The following RSPO2 variants were observed in gnomAD, a reference collection of about 807,000 sequenced individuals.
The protein encoded by RSPO2 is R-spondin 2, also known as R-spondin-2.
A neutral mutation model predicts 30.9 loss-of-function variants in RSPO2; 14 were observed. The ratio of observed to expected loss-of-function variants is 0.45; its 90% CI spans 0.30 to 0.71. The LOEUF (loss-of-function observed/expected upper bound fraction) is 0.71, where lower values mean the gene tolerates loss of function less well. Among genes scored for constraint, RSPO2 ranks in the 30% least tolerant of loss-of-function variants. The pLI is 0.08. For missense variants in RSPO2, 264 were observed against 301.9 expected (o/e 0.87, Z 0.93); for synonymous variants, 107 against 96.4 (o/e 1.11, Z -0.64).
intron 3 of RSPO2, among the ~76,000 whole-genome samples, chr8:107,987,759 C>T (rs1208946044): frequency 6.6e-6 from 1 of 152,176 alleles, no homozygotes. Context: ...CCAGCCCCCA[C>T]TAGTTCTGCC....
At chr8:107,993,972 C>T (rs1263124405) in intron 2 of RSPO2, among the ~76,000 whole-genome samples, 1 of 152,106 alleles carries the variant, frequency 6.6e-6, no homozygotes, top group Non-Finnish European at 1.5e-5. Flanking sequence ...TCATCATCTT[C>T]GTTGCATCTG....
chr8:108,038,250 A>G (rs1053777923), intron 2 of RSPO2, among the ~76,000 whole-genome samples: 1 of 152,178 alleles, frequency 6.6e-6, no homozygotes, highest in Non-Finnish European at 1.5e-5. Context: ...AATTGCAGAC[A>G]TGGTAGAAAT....
chr8:107,935,826 C>T (rs970693910), intron 5 of RSPO2, among the ~76,000 whole-genome samples: 10 of 151,834 alleles, frequency 6.6e-5, no homozygotes, highest in African/African-American at 2.4e-4. Context: ...TTTTTTAAAT[C>T]GATAACAAAA....
chr8:107,995,383 T>C (rs1814984906), intron 2 of RSPO2, among the ~76,000 whole-genome samples: 1 of 152,118 alleles, frequency 6.6e-6, no homozygotes, highest in Non-Finnish European at 1.5e-5. Context: ...TTTATATATA[T>C]ATGCATGTAT....
chr8:108,046,881 T>TAC (rs1811921943), intron 2 of RSPO2, among the ~76,000 whole-genome samples: 1 of 152,196 alleles, frequency 6.6e-6, no homozygotes, highest in South Asian at 2.1e-4. Context: ...AAACACCTTT[T>TAC]ACCCAGTCAG....
At chr8:107,943,548 G>A (rs148509676) in intron 5 of RSPO2, among the ~76,000 whole-genome samples, 49 of 152,290 alleles carry the variant, frequency 3.2e-4, no homozygotes, top group African/African-American at 1.1e-3. Context: ...GAAATTTCAC[G>A]TAGCGGTTCT....
In RSPO2 at chr8:108,075,468, G is replaced by A. The variant is rs373335102; in HGVS notation, c.94+7077C>T. Among the ~76,000 whole-genome samples the A allele has an allele frequency of 5.7e-4, 83 of 145,370 alleles. 2 individuals are homozygous for A. In the East Asian group the frequency reaches 7.8e-3, roughly 14 times the overall value. The stretch of plus-strand genomic sequence containing the variant: ...GCACTCCAGGCTGGGCAACAAGAGC[G>A]AAATTCCATCTCAAAAAAAAAAAAA... On this transcript the variant is annotated intron_variant, in intron 2 of 5. Coordinates refer to ENST00000276659, the MANE Select transcript of RSPO2 (RefSeq NM_178565.5).
intron 5 of RSPO2, among the ~76,000 whole-genome samples, chr8:107,918,492 G>C (rs1205302086): frequency 6.6e-6 from 1 of 152,054 alleles, no homozygotes; most frequent in Non-Finnish European, 1.5e-5. Context: ...CTCATATCTT[G>C]TCTGTACAGT....
At chr8:108,061,774 CATA>C (rs1381409155) in intron 2 of RSPO2, among the ~76,000 whole-genome samples, 1 of 151,804 alleles carries the variant, frequency 6.6e-6, no homozygotes, top group African/African-American at 2.4e-5. Flanking sequence ...AAATTGACCA[CATA>C]GTTGCAGGTA....
At chr8:108,021,768 C>T (rs1056840870) in intron 2 of RSPO2, among the ~76,000 whole-genome samples, 7 of 143,314 alleles carry the variant, frequency 4.9e-5, no homozygotes, top group Non-Finnish European at 1.1e-4. Flanking sequence ...CGGGGCCTGT[C>T]GGGGGCAGGG....
intron 2 of RSPO2, among the ~76,000 whole-genome samples, chr8:108,031,701 G>C (rs1245462173): frequency 6.6e-6 from 1 of 152,192 alleles, no homozygotes; most frequent in African/African-American, 2.4e-5. Flanking sequence ...ATTTTGGTTA[G>C]TGAACTTTGT....
At chr8:107,930,736 C>CA (rs1395193646) in intron 5 of RSPO2, among the ~76,000 whole-genome samples, 1 of 152,170 alleles carries the variant, frequency 6.6e-6, no homozygotes, top group Non-Finnish European at 1.5e-5. Context: ...ACTATGATCT[C>CA]ACACTTGGAG....
At chr8:108,007,993 G>GA (rs982651147) in intron 2 of RSPO2, among the ~76,000 whole-genome samples, 8 of 151,954 alleles carry the variant, frequency 5.3e-5, no homozygotes, top group African/African-American at 1.9e-4. Flanking sequence ...CTCAAAAAAA[G>GA]AAAAAAACAG....
At chr8:107,913,497 G>C (rs571491015) in intron 5 of RSPO2, among the ~76,000 whole-genome samples, 1 of 152,036 alleles carries the variant, frequency 6.6e-6, no homozygotes, top group African/African-American at 2.4e-5. Flanking sequence ...CAAATATTTT[G>C]GTCACTTCAG....
At position 108,010,686 on chromosome 8, in the gene RSPO2, G is replaced by A. The variant is rs141387311; in HGVS notation, c.95-21442C>T. Reference sequence around the variant, plus strand: ...GATGCAGAAGAGTGAAGATCAGTAAGGTCAGCACACGCAGGGGACAGGAGC... The same window carrying A: ...GATGCAGAAGAGTGAAGATCAGTAAAGTCAGCACACGCAGGGGACAGGAGC... On this transcript the variant is annotated intron_variant, in intron 2 of 5. Transcript: ENST00000276659. Among the ~76,000 whole-genome samples, 218 of 152,180 alleles carry A rather than the reference G, an allele frequency of 1.4e-3. 2 individuals carry two copies. The highest frequency in any genetic ancestry group is 7.1e-4 in the Non-Finnish European group (48 of 68,008).
chr8:108,065,250 TAACA>T (rs1319527877), intron 2 of RSPO2, among the ~76,000 whole-genome samples: 8 of 149,248 alleles, frequency 5.4e-5, no homozygotes, highest in African/African-American at 1.5e-4. Context: ...TATACCTATG[TAACA>T]AACCTGTACA....
chr8:108,031,676 A>T (rs1811426730), intron 2 of RSPO2, among the ~76,000 whole-genome samples: 1 of 152,172 alleles, frequency 6.6e-6, no homozygotes, highest in Non-Finnish European at 1.5e-5. Flanking sequence ...GACACTGGGA[A>T]TGTTAAAGTT....
At chr8:107,988,967 T>A (rs1814746966) in intron 3 of RSPO2, 89 bp downstream of exon 3, 1 of 1,242,214 alleles carries the variant, frequency 8.1e-7, no homozygotes, top group Non-Finnish European at 1.1e-6. Context: ...AACACATTTT[T>A]TTTAAAAAAA....
rs999331448 is a variant in RSPO2 at position 108,082,787 on chromosome 8, C to T, written c.-149G>A. ...GCCGCACCGGTCAGTTCAGCGCGAT[C>T]AGCATCTCTCCGCCACGAACCTGAG... On this transcript the variant is annotated 5_prime_UTR_variant, in exon 2 of 6. Transcript: ENST00000276659. 9 of 597,368 alleles carry T rather than the reference C, an allele frequency of 1.5e-5. No homozygotes were observed. Among genetic ancestry groups the T allele is most frequent in the Non-Finnish European group, 2.7e-5 (9 of 338,336 alleles). 37.0% of individuals were successfully genotyped at this position (597,368 alleles called of 1,614,324 possible).
Sources: gnomAD v4.1 joint callset for allele counts (sites outside exome capture counted in the v4.1 genomes callset) on GRCh38, gnomAD v4.1.1 for gene constraint, MANE v1.5 for transcripts, NCBI Gene and HGNC (gene_info 2026-07-23, HGNC 2026-07-21) for gene names.